VPS13B: variants seen among roughly 807,000 people sequenced by gnomAD.
The protein encoded by VPS13B is intermembrane lipid transfer protein VPS13B.
A neutral mutation model predicts 426.4 loss-of-function variants in VPS13B; 285 were observed. That is an observed-to-expected ratio of 0.67 (90% confidence interval 0.61 to 0.74). VPS13B has a LOEUF of 0.74. VPS13B is among the 30% of genes least tolerant of loss of function. The pLI is 0.00. For synonymous variants in VPS13B, 1,676 were observed against 1,676.4 expected (o/e 1.00, Z 0.01); for missense variants, 4,537 against 4,782.6 (o/e 0.95, Z 1.51).
At chr8:99,556,335 G>A (rs1311827035) in intron 30 of VPS13B, 115 bp from the exon 31 acceptor site, 2 of 1,129,634 alleles carry the variant, frequency 1.8e-6, no homozygotes, top group Admixed American at 2.0e-5. Context: ...TTATTCATCA[G>A]TAATCCAAAG....
At chr8:99,202,606 T>G (rs913474460) in intron 17 of VPS13B, among the ~76,000 whole-genome samples, 19 of 152,206 alleles carry the variant, frequency 1.2e-4, no homozygotes, top group African/African-American at 4.3e-4. Flanking sequence ...ACAGCTGAAT[T>G]CTACCAGAGG....
chr8:99,401,697 C>G (rs937594075), intron 21 of VPS13B, among the ~76,000 whole-genome samples: 1 of 152,156 alleles, frequency 6.6e-6, no homozygotes, highest in Non-Finnish European at 1.5e-5. Context: ...GAAACCCTGT[C>G]TCTACTAAAA....
At chr8:99,723,718 G>C (rs1833220963) in intron 39 of VPS13B, among the ~76,000 whole-genome samples, 1 of 152,136 alleles carries the variant, frequency 6.6e-6, no homozygotes, top group African/African-American at 2.4e-5. Context: ...ACACAGCCTG[G>C]CAGATTTCAG....
At chr8:99,757,877 A>G (rs1035427354) in intron 39 of VPS13B, among the ~76,000 whole-genome samples, 1 of 152,184 alleles carries the variant, frequency 6.6e-6, no homozygotes, top group Non-Finnish European at 1.5e-5. Flanking sequence ...AAATGTAATA[A>G]AAAAATATAT....
intron 47 of VPS13B, 90 bp from the exon 48 acceptor site, chr8:99,819,322 T>C (rs945673407): frequency 1.4e-6 from 2 of 1,463,088 alleles, no homozygotes; most frequent in African/African-American, 2.8e-5. Context: ...TGTTGGTCTA[T>C]AATACATTTG....
At chr8:99,460,656 T>A (rs1404777135) in intron 23 of VPS13B, among the ~76,000 whole-genome samples, 4 of 152,208 alleles carry the variant, frequency 2.6e-5, no homozygotes, top group Non-Finnish European at 5.9e-5. Context: ...AGTGCCTGTT[T>A]ACGAGAGAAC....
intron 12 of VPS13B, among the ~76,000 whole-genome samples, chr8:99,140,558 TCTC>T (rs1038207921): frequency 3.7e-4 from 56 of 149,824 alleles, no homozygotes; most frequent in African/African-American, 1.3e-3. Flanking sequence ...TTCTCCTCCT[TCTC>T]CTCCTTTCTT....
chr8:99,434,154 A>G (rs1817257028), intron 22 of VPS13B, among the ~76,000 whole-genome samples: 1 of 152,194 alleles, frequency 6.6e-6, no homozygotes, highest in Non-Finnish European at 1.5e-5. Flanking sequence ...AACAAAGTAA[A>G]GGAGTTTTGA....
At chr8:99,381,760 T>C (rs1813825101) in intron 19 of VPS13B, among the ~76,000 whole-genome samples, 1 of 152,168 alleles carries the variant, frequency 6.6e-6, no homozygotes, top group African/African-American at 2.4e-5. Context: ...CTTGCTTTTT[T>C]TTTTCTTGTA....
chr8:99,706,827 A>C (rs1243510846), intron 36 of VPS13B, among the ~76,000 whole-genome samples: 2 of 152,122 alleles, frequency 1.3e-5, no homozygotes, highest in African/African-American at 4.8e-5. Flanking sequence ...CCCCAACCCA[A>C]GGACTGTGGA....
At position 99,742,251 on chromosome 8, in the gene VPS13B, T is replaced by G. The variant is rs1469250088; in HGVS notation, c.7050+21204T>G. On this transcript the variant is annotated intron_variant, in intron 39 of 61. Coordinates refer to ENST00000357162, the MANE Select transcript of VPS13B (RefSeq NM_152564.5). ...AGAAATGGATAAATTCCTCGACACA[T>G]ACACCCTCCCAAGACTAAACCAGGA... Among the ~76,000 whole-genome samples the G allele has an allele frequency of 2.6e-5, 4 of 152,126 alleles. No individual in the cohort carries two copies. In the East Asian group the frequency reaches 7.7e-4, roughly 29 times the overall value.
At chr8:99,096,215 C>A (rs1358046691) in intron 3 of VPS13B, 97 bp from the exon 4 acceptor site, 2 of 1,378,596 alleles carry the variant, frequency 1.5e-6, no homozygotes, top group East Asian at 2.5e-5. Flanking sequence ...ATCTTATCTC[C>A]TGTAGCTACC....
intron 51 of VPS13B, among the ~76,000 whole-genome samples, chr8:99,825,204 T>A (rs1035012263): frequency 4.6e-5 from 7 of 152,226 alleles, no homozygotes; most frequent in African/African-American, 1.7e-4. Flanking sequence ...AGTGTAAAAG[T>A]GTTCCTATTT....
chr8:99,185,390 T>C (rs1258831116), intron 16 of VPS13B, among the ~76,000 whole-genome samples: 3 of 152,194 alleles, frequency 2.0e-5, no homozygotes, highest in African/African-American at 4.8e-5. Flanking sequence ...TCATTGAGTA[T>C]TGATGTGTAA....
intron 35 of VPS13B, among the ~76,000 whole-genome samples, chr8:99,685,238 A>G (rs1260733367): frequency 1.3e-5 from 2 of 152,272 alleles, no homozygotes; most frequent in Non-Finnish European, 2.9e-5. Flanking sequence ...GGCAATATGC[A>G]TATGGAATTT....
At chr8:99,701,510 T>C (rs1363497133) in intron 36 of VPS13B, among the ~76,000 whole-genome samples, 2 of 152,182 alleles carry the variant, frequency 1.3e-5, no homozygotes, top group African/African-American at 2.4e-5. Flanking sequence ...TAAAAATCCT[T>C]CTCTCACTAA....
chr8:99,583,451 G>A lies in VPS13B; in HGVS notation c.5220+5818G>A, dbSNP rs539136924. 4.6e-5 allele frequency among the ~76,000 whole-genome samples: 7 copies of A among 152,236 alleles called. No homozygotes were observed. The East Asian group carries it at 5.8e-4, about 13-fold the overall frequency. On this transcript the variant is annotated intron_variant, in intron 33 of 61. Coordinates refer to ENST00000357162, the MANE Select transcript of VPS13B (RefSeq NM_152564.5). ...AGTTTTTTATGAAATAGAAAATAAT[G>A]CATTGGGCTTTTTTGCTATGAACTG...
At chr8:99,578,892 G>A (rs1392228180) in intron 33 of VPS13B, among the ~76,000 whole-genome samples, 1 of 151,932 alleles carries the variant, frequency 6.6e-6, no homozygotes, top group African/African-American at 2.4e-5. Context: ...CCTCTTAGGG[G>A]GATCAATTTC....
chr8:99,020,385 A>G (rs1841826442), intron 2 of VPS13B, among the ~76,000 whole-genome samples: 1 of 152,134 alleles, frequency 6.6e-6, no homozygotes, highest in Non-Finnish European at 1.5e-5. Context: ...GTGGATATCA[A>G]TCCCTTAGCA....
Sources: gnomAD v4.1 joint callset for allele counts (sites outside exome capture counted in the v4.1 genomes callset) on GRCh38, gnomAD v4.1.1 for gene constraint, MANE v1.5 for transcripts, NCBI Gene and HGNC (gene_info 2026-07-23, HGNC 2026-07-21) for gene names.